Variants in SLC9A2 observed in about 807,000 individuals in gnomAD.
The protein encoded by SLC9A2 is sodium/hydrogen exchanger 2.
SLC9A2 carries 42 observed loss-of-function variants against 71.7 expected under a neutral mutation model. The ratio of observed to expected loss-of-function variants is 0.59; its 90% CI spans 0.46 to 0.76. The LOEUF is 0.76. SLC9A2 is among the 30% of genes least tolerant of loss of function. SLC9A2 has a pLI of 0.00. For missense variants in SLC9A2, 829 were observed against 1,017.4 expected, an observed-to-expected ratio of 0.81 and a Z score of 2.52; for synonymous variants, 396 against 392.5, an observed-to-expected ratio of 1.01 and a Z score of -0.10.
chr2:102,684,165 G>A lies in SLC9A2; in HGVS notation c.1254G>A (p.Arg418=). 1 of 1,614,090 alleles carries A rather than the reference G, an allele frequency of 6.2e-7. No individual in the cohort carries two copies. The highest frequency in any genetic ancestry group is 8.5e-7 in the Non-Finnish European group (1 of 1,180,004). The change falls in exon 5 of 12, where the codon AGG becomes AGA. Residue 418 remains arginine, a synonymous_variant. Transcript: ENST00000233969. ...TTGTCCTGACTCAGGTCATTAATAG[G>A]TTCCGGACCATTCCCCTGACCTTTA... is the stretch of plus-strand genomic sequence containing the variant. ...GVFVLTQVIN[R]FRTIPLTFKD...
At chr2:102,682,098 A>G (rs1422656864) in intron 3 of SLC9A2, among the ~76,000 whole-genome samples, 2 of 152,180 alleles carry the variant, frequency 1.3e-5, no homozygotes, top group Non-Finnish European at 2.9e-5. Context: ...ACCAGTATTC[A>G]GCTTATGGCA....
chr2:102,660,060 G>C (rs989264659), intron 2 of SLC9A2, among the ~76,000 whole-genome samples: 1 of 152,122 alleles, frequency 6.6e-6, no homozygotes, highest in African/African-American at 2.4e-5. Context: ...CTTTGAGTTT[G>C]TCCCAAATCA....
chr2:102,684,051 C>A, intron 4 of SLC9A2, 83 bp from the exon 5 acceptor site: 2 of 1,018,604 alleles, frequency 2.0e-6, no homozygotes, highest in Non-Finnish European at 3.1e-6. Flanking sequence ...GTCCCCATCG[C>A]AGAAGCACAG....
At chr2:102,627,175 T>C (rs1475401402) in intron 1 of SLC9A2, among the ~76,000 whole-genome samples, 3 of 151,502 alleles carry the variant, frequency 2.0e-5, no homozygotes, top group Non-Finnish European at 4.4e-5. Context: ...AAAAGCCAGG[T>C]TTGGTGGCCT....
intron 1 of SLC9A2, among the ~76,000 whole-genome samples, chr2:102,639,481 C>T (rs943210955): frequency 1.3e-5 from 2 of 152,220 alleles, no homozygotes; most frequent in African/African-American, 4.8e-5. Flanking sequence ...AATTTCAGAA[C>T]ACTGCATGGT....
At chr2:102,640,109 C>G (rs1013149543) in intron 1 of SLC9A2, among the ~76,000 whole-genome samples, 1 of 152,242 alleles carries the variant, frequency 6.6e-6, no homozygotes, top group Non-Finnish European at 1.5e-5. Flanking sequence ...TGCATTTTCA[C>G]TGCATCTGTC....
intron 3 of SLC9A2, among the ~76,000 whole-genome samples, chr2:102,670,371 T>G (rs1677222654): frequency 6.6e-6 from 1 of 152,058 alleles, no homozygotes. Flanking sequence ...TAGTATTTCT[T>G]TCCTCAAGGG....
At chr2:102,680,050 G>T (rs192975718) in intron 3 of SLC9A2, among the ~76,000 whole-genome samples, 21 of 151,052 alleles carry the variant, frequency 1.4e-4, no homozygotes, top group Non-Finnish European at 1.5e-5. Flanking sequence ...ATAAGTTAAA[G>T]TGCTTTATAA....
chr2:102,656,468 A>C (rs947035373), intron 1 of SLC9A2, among the ~76,000 whole-genome samples: 6 of 152,304 alleles, frequency 3.9e-5, no homozygotes, highest in African/African-American at 1.4e-4. Flanking sequence ...CTGGGGCTTG[A>C]CCACACTTTG....
rs143846609 is a variant in SLC9A2, at chr2:102,661,831, T to C, written c.754-3269T>C. Among the ~76,000 whole-genome samples, 7 of 152,334 alleles carry C rather than the reference T, an allele frequency of 4.6e-5. No homozygotes were observed. In the East Asian group the frequency reaches 1.4e-3, roughly 29 times the overall value. Reference sequence around the variant, plus strand: ...CTTTGCACCGACTCACTAGAGTCATTTGTAGCCCACATACATAATATATAC... The same window carrying C: ...CTTTGCACCGACTCACTAGAGTCATCTGTAGCCCACATACATAATATATAC... On this transcript the variant is annotated intron_variant, in intron 2 of 11. Transcript: ENST00000233969.
chr2:102,646,768 A>ATATATATAT (rs1676731084), intron 1 of SLC9A2, among the ~76,000 whole-genome samples: 18 of 132,972 alleles, frequency 1.4e-4, no homozygotes, highest in African/African-American at 5.6e-4. Flanking sequence ...AACGATCCTA[A>ATATATATAT]ATATATATAT....
intron 1 of SLC9A2, among the ~76,000 whole-genome samples, chr2:102,633,350 C>T (rs1045776040): frequency 1.3e-5 from 2 of 152,000 alleles, no homozygotes; most frequent in Non-Finnish European, 2.9e-5. Context: ...CTGTTTCTCA[C>T]GGGAAAGGAT....
At chr2:102,658,097 A>C in intron 2 of SLC9A2, 70 bp downstream of exon 2, 1 of 1,211,102 alleles carries the variant, frequency 8.3e-7, no homozygotes, top group Non-Finnish European at 1.2e-6. Context: ...GGCTCTCTGC[A>C]CCTCAACTGG....
Position 102,708,327 on chromosome 2 carries a change from G to C in SLC9A2, c.2277G>C (p.Thr759=), listed in dbSNP as rs747391806. ...ACAGCAGAGAAAAGGGCACCCAGACGTCAGGCTTACTACAGCAGCCCCTTC... is the reference window on the plus strand; with the variant it reads ...ACAGCAGAGAAAAGGGCACCCAGACCTCAGGCTTACTACAGCAGCCCCTTC... The part of the protein sequence containing the change: ...TPHSREKGTQ[T]SGLLQQPLLS... The change falls in exon 12 of 12, where the codon ACG becomes ACC. Residue 759 remains threonine (T), a synonymous_variant. Coordinates refer to ENST00000233969, the MANE Select transcript of SLC9A2 (RefSeq NM_003048.6). 2 of 1,614,178 alleles carry C rather than the reference G, an allele frequency of 1.2e-6. No individual in the cohort carries two copies. Among genetic ancestry groups the C allele is most frequent in the South Asian group, 1.1e-5 (1 of 91,076 alleles).
intron 1 of SLC9A2, among the ~76,000 whole-genome samples, chr2:102,627,699 G>C (rs1676276046): frequency 6.6e-6 from 1 of 151,862 alleles, no homozygotes; most frequent in Admixed American, 6.6e-5. Flanking sequence ...TAGCTTCTAA[G>C]TTATCTGCTT....
At chr2:102,673,821 C>T (rs999798341) in intron 3 of SLC9A2, among the ~76,000 whole-genome samples, 15 of 149,484 alleles carry the variant, frequency 1.0e-4, no homozygotes, top group Non-Finnish European at 2.1e-4. Flanking sequence ...GAGTCTCACT[C>T]TGTCGCCCAG....
In SLC9A2 at chr2:102,708,305, G is replaced by A; in HGVS notation, c.2255G>A (p.Ser752Asn). ...DMPSTPPTPH[S>N]REKGTQTSGL... is the part of the protein sequence containing the mutation. ...CCCAGCACCCCCCCAACACCCCACA[G>A]CAGAGAAAAGGGCACCCAGACGTCA... The change falls in exon 12 of 12, where the codon AGC (serine) becomes AAC (asparagine). Residue 752 changes from serine (S) to asparagine (N), a missense_variant. Physicochemically the swap from Ser to Asn is conservative, Grantham distance 46 (BLOSUM62 1). Around this residue, in one of 3 missense-constraint regions of SLC9A2, gnomAD observed 223 missense variants for 197.5 expected, o/e 1.13. Coordinates refer to ENST00000233969, the MANE Select transcript of SLC9A2 (RefSeq NM_003048.6). The A allele has an allele frequency of 1.2e-6, 2 of 1,614,146 alleles. No homozygotes were observed. Among genetic ancestry groups the A allele is most frequent in the Non-Finnish European group, 1.7e-6 (2 of 1,180,026 alleles).
intron 1 of SLC9A2, among the ~76,000 whole-genome samples, chr2:102,656,236 T>C (rs1676939157): frequency 6.6e-6 from 1 of 150,542 alleles, no homozygotes; most frequent in Non-Finnish European, 1.5e-5. Context: ...CACATCTCTC[T>C]CCTCTTTCCC....
At chr2:102,690,370 A>G (rs1376231874) in intron 5 of SLC9A2, among the ~76,000 whole-genome samples, 1 of 152,142 alleles carries the variant, frequency 6.6e-6, no homozygotes, top group Non-Finnish European at 1.5e-5. Context: ...CAAAACCCCA[A>G]CTGGCTGGAT....
Sources: allele counts gnomAD v4.1 joint callset (sites outside exome capture counted in the v4.1 genomes callset), GRCh38; gene constraint gnomAD v4.1.1; regional missense constraint gnomAD v4.1.1; transcripts MANE v1.5; gene names NCBI Gene and HGNC (gene_info 2026-07-23, HGNC 2026-07-21).